Variants in SLC30A3 observed in about 807,000 individuals in gnomAD.
SLC30A3 encodes solute carrier family 30 member 3, also known as probable proton-coupled zinc antiporter SLC30A3.
In SLC30A3, 20 loss-of-function variants were observed where a neutral mutation model predicts 35.6. The ratio of observed to expected loss-of-function variants is 0.56; its 90% CI spans 0.39 to 0.82. SLC30A3 has a LOEUF of 0.82. Ranked by LOEUF, SLC30A3 falls within the 40% of genes least tolerant of loss-of-function variation. The pLI, the probability that SLC30A3 is intolerant of heterozygous loss-of-function variation, is 0.00. For missense variants in SLC30A3, 401 were observed against 530.6 expected (o/e 0.76, Z 2.40); for synonymous variants, 217 against 224.7 (o/e 0.97, Z 0.31).
upstream of SLC30A3, among the ~76,000 whole-genome samples, chr2:27,265,099 G>A (rs1308641764): frequency 6.6e-6 from 1 of 152,234 alleles, no homozygotes; most frequent in Non-Finnish European, 1.5e-5. This position sits in a 1 kb window ranked among gnomAD's most constrained non-coding sequence, Gnocchi z 5.9. Flanking sequence ...TTCTTGGCAC[G>A]GCTCAGCCGA....
intron 7 of SLC30A3, 66 bp downstream of exon 7, chr2:27,256,320 C>T: frequency 6.3e-7 from 1 of 1,580,584 alleles, no homozygotes; most frequent in Non-Finnish European, 8.7e-7. Context: ...GTAACTCAAG[C>T]TATGGTCCCA....
At position 27,258,409 on chromosome 2, in the gene SLC30A3, T is replaced by G. The variant is rs1385192392; in HGVS notation, c.278-102A>C. Reference sequence around the variant, plus strand: ...GGGGGATATACACCAAAAATGTGATTTGGGGTTTTCTCAGGTGATGGGACT... The same window carrying G: ...GGGGGATATACACCAAAAATGTGATGTGGGGTTTTCTCAGGTGATGGGACT... On this transcript the variant is annotated intron_variant, in intron 2 of 7. Transcript: ENST00000233535. The surrounding 1 kb of genome is among the most constrained non-coding windows in gnomAD (Gnocchi z 4.0). 3 of 1,253,416 alleles carry G rather than the reference T, an allele frequency of 2.4e-6. No homozygotes were observed. The East Asian group carries it at 7.8e-5, about 33-fold the overall frequency. 77.6% of individuals were successfully genotyped at this position (1,253,416 alleles called of 1,614,324 possible).
chr2:27,273,584 T>C (rs1014295239), intron 1 of SLC30A3, among the ~76,000 whole-genome samples: 1 of 150,804 alleles, frequency 6.6e-6, no homozygotes, highest in Non-Finnish European at 1.5e-5. Flanking sequence ...AGCTTCAGCT[T>C]CTTTTTAAGT....
chr2:27,259,135 A>G, intron 1 of SLC30A3: 1 of 499,224 alleles, frequency 2.0e-6, no homozygotes, highest in Non-Finnish European at 3.5e-6. Context: ...TTTTCCTTCC[A>G]TACACAGAGC....
upstream of SLC30A3, chr2:27,264,025 C>T (rs1677366063): frequency 5.4e-6 from 7 of 1,288,382 alleles, no homozygotes; most frequent in Non-Finnish European, 6.1e-6. The surrounding 1 kb of genome is among the most constrained non-coding windows in gnomAD (Gnocchi z 6.1). Flanking sequence ...AGTCGGTGGC[C>T]GAGCCTCAAG....
intron 1 of SLC30A3, among the ~76,000 whole-genome samples, chr2:27,269,498 C>T (rs1342909560): frequency 6.6e-6 from 1 of 152,028 alleles, no homozygotes; most frequent in Non-Finnish European, 1.5e-5. Context: ...TGAGCCACCA[C>T]ACCTGGCCTT....
Position 27,255,279 on chromosome 2 carries a change from G to A in SLC30A3, c.*33C>T, listed in dbSNP as rs765190721. ...TGCTGAGAGTCTGGGGCTGAGCCTC[G>A]GCCTGGCAGTGGGGTGAGGGCAGGG... On this transcript the variant is annotated 3_prime_UTR_variant, in exon 8 of 8. Coordinates refer to ENST00000233535, the MANE Select transcript of SLC30A3 (RefSeq NM_003459.5). This position sits in a 1 kb window ranked among gnomAD's most constrained non-coding sequence, Gnocchi z 5.2. The A allele has an allele frequency of 1.7e-5, 28 of 1,611,926 alleles. No individual in the cohort carries two copies. Among genetic ancestry groups the A allele is most frequent in the African/African-American group, 1.2e-4 (9 of 74,900 alleles).
At chr2:27,259,154 T>C in intron 1 of SLC30A3, 1 of 456,608 alleles carries the variant, frequency 2.2e-6, no homozygotes, top group Non-Finnish European at 3.8e-6. Flanking sequence ...GCCATAGAAT[T>C]TCACAGCTGG....
chr2:27,256,690 T>G (rs1273331561), intron 6 of SLC30A3, 98 bp downstream of exon 6: 1 of 1,284,220 alleles, frequency 7.8e-7, no homozygotes, highest in Non-Finnish European at 1.1e-6. Context: ...GAGCCAAGCC[T>G]TCTTCCCGTA....
chr2:27,258,622 G>A lies in SLC30A3; in HGVS notation c.277+131C>T. 1 of 1,018,448 alleles carries A rather than the reference G, an allele frequency of 9.8e-7. No individual in the cohort carries two copies. 63.1% of individuals were successfully genotyped at this position (1,018,448 alleles called of 1,614,324 possible). ...ATCCCTCCTACTTCCTGAGTCCTGG[G>A]CACCCAGCTCCCCTATCCCAGCCAT... is the stretch of plus-strand genomic sequence containing the variant. On this transcript the variant is annotated intron_variant, in intron 2 of 7. Transcript: ENST00000233535. This position sits in a 1 kb window ranked among gnomAD's most constrained non-coding sequence, Gnocchi z 4.0.
At chr2:27,256,679 T>A in intron 6 of SLC30A3, 109 bp downstream of exon 6, 1 of 1,290,558 alleles carries the variant, frequency 7.7e-7, no homozygotes, top group Non-Finnish European at 1.1e-6. Context: ...GCAGACCCCA[T>A]GAGCCAAGCC....
chr2:27,274,508 C>T (rs1405066359), intron 1 of SLC30A3, among the ~76,000 whole-genome samples: 1 of 152,114 alleles, frequency 6.6e-6, no homozygotes, highest in Non-Finnish European at 1.5e-5. Context: ...AGAAAACCAG[C>T]ACTACAAAGT....
At position 27,271,971 on chromosome 2, in the gene SLC30A3, A is replaced by T. The variant is rs1677742563; in HGVS notation, c.-159+3206T>A. Among the ~76,000 whole-genome samples, 1 of 152,246 alleles carries T rather than the reference A, an allele frequency of 6.6e-6. No homozygotes were observed. The highest frequency in any genetic ancestry group is 6.5e-5 in the Admixed American group (1 of 15,290). Reference sequence around the variant, plus strand: ...AAAGGTGTTTACTAACTCTTCTCAGAACCGAATTTGCCTTCTTTCTCAGGG... The same window carrying T: ...AAAGGTGTTTACTAACTCTTCTCAGTACCGAATTTGCCTTCTTTCTCAGGG... On this transcript the variant is annotated intron_variant, in intron 1 of 5. Coordinates refer to the SLC30A3 transcript ENST00000424577. This position sits in a 1 kb window ranked among gnomAD's most constrained non-coding sequence, Gnocchi z 4.3.
chr2:27,261,412 A>T (rs1324854036), intron 1 of SLC30A3, among the ~76,000 whole-genome samples: 1 of 152,196 alleles, frequency 6.6e-6, no homozygotes, highest in Non-Finnish European at 1.5e-5. Flanking sequence ...ACTAATGGTC[A>T]TATGAGTGAA....
In SLC30A3 at chr2:27,257,984, G is replaced by A. The variant is rs757323625; in HGVS notation, c.499C>T (p.Arg167Cys). ...TGILLYLAFV[R>C]LLHSDYHIEG... ...ATGTGGTAGTCGCTGTGCAGCAGGC[G>A]GACGAAGGCCAGGTACAGGAGGATG... The change falls in exon 4 of 8, where the codon CGC (arginine) becomes TGC (cysteine). Residue 167 changes from arginine (R) to cysteine (C), a missense_variant. Around this residue, in one of 3 missense-constraint regions of SLC30A3, gnomAD observed 296 missense variants for 392.6 expected, o/e 0.75. Transcript: ENST00000233535. This position sits in a 1 kb window ranked among gnomAD's most constrained non-coding sequence, Gnocchi z 4.7. The A allele has an allele frequency of 3.7e-6, 6 of 1,614,182 alleles. No homozygotes were observed. The highest frequency in any genetic ancestry group is 4.2e-6 in the Non-Finnish European group (5 of 1,180,012).
In SLC30A3 at chr2:27,262,714, G is replaced by T. The variant is rs1677275657; in HGVS notation, c.95+98C>A. 1 of 1,212,490 alleles carries T rather than the reference G, an allele frequency of 8.2e-7. No individual in the cohort carries two copies. The highest frequency in any genetic ancestry group is 1.1e-6 in the Non-Finnish European group (1 of 909,098). The allele number at this position is 1,212,490 out of a possible 1,614,324, so 75.1% of individuals were successfully genotyped here. ...GGAGCGAGGGACCCGCGGTGCGCTG[G>T]GGCGGCCGCCGGGGCCCGCGCCGAG... On this transcript the variant is annotated intron_variant, in intron 1 of 7. Transcript: ENST00000233535. This position sits in a 1 kb window ranked among gnomAD's most constrained non-coding sequence, Gnocchi z 7.5.
At chr2:27,275,297 G>A in exon 1 of SLC30A3, 2 of 1,046,526 alleles carry the variant, frequency 1.9e-6, no homozygotes, top group Non-Finnish European at 2.6e-6. Flanking sequence ...CCCAAGGCCT[G>A]GCAGCAACGC....
upstream of SLC30A3, chr2:27,264,080 C>A: frequency 7.8e-7 from 1 of 1,288,168 alleles, no homozygotes; most frequent in Non-Finnish European, 1.0e-6. The surrounding 1 kb of genome is among the most constrained non-coding windows in gnomAD (Gnocchi z 6.1). Context: ...GCACCTGCCG[C>A]CACTGTAGAA....
chr2:27,265,098 C>T (rs901761739), upstream of SLC30A3, among the ~76,000 whole-genome samples: 7 of 152,236 alleles, frequency 4.6e-5, no homozygotes, highest in African/African-American at 1.7e-4. This position sits in a 1 kb window ranked among gnomAD's most constrained non-coding sequence, Gnocchi z 5.9. Context: ...ATTCTTGGCA[C>T]GGCTCAGCCG....
Sources: allele counts gnomAD v4.1 joint callset (sites outside exome capture counted in the v4.1 genomes callset), GRCh38; gene constraint gnomAD v4.1.1; regional missense constraint gnomAD v4.1.1; non-coding constraint Gnocchi (gnomAD v3.1); transcripts MANE v1.5; gene names NCBI Gene and HGNC (gene_info 2026-07-23, HGNC 2026-07-21).